The following PURB variants were observed in gnomAD, a reference collection of about 807,000 sequenced individuals.
PURB encodes transcriptional regulator protein Pur-beta.
A neutral mutation model predicts 21.1 loss-of-function variants in PURB; 11 were observed. The ratio of observed to expected loss-of-function variants is 0.52; its 90% CI spans 0.33 to 0.86. The LOEUF is 0.86. PURB is among the 40% of genes least tolerant of loss of function. PURB has a pLI of 0.02. For synonymous variants in PURB, 246 were observed against 210.8 expected, an observed-to-expected ratio of 1.17 and a Z score of -1.45; for missense variants, 357 against 456.5, an observed-to-expected ratio of 0.78 and a Z score of 1.99.
At position 44,884,083 on chromosome 7, in the gene PURB, G is replaced by A; in HGVS notation, c.*327C>T. On this transcript the variant is annotated 3_prime_UTR_variant, in exon 1 of 1. Coordinates refer to ENST00000395699, the MANE Select transcript of PURB (RefSeq NM_033224.5). ...CATGTTTCTTGCCCTGGATGTGCAAGGATCTATTCCCTCCAGGGATTATCC... is the reference window on the plus strand; with the variant it reads ...CATGTTTCTTGCCCTGGATGTGCAAAGATCTATTCCCTCCAGGGATTATCC... 2.6e-6 allele frequency: 1 copy of A among 386,338 alleles called. No homozygotes were observed. The highest frequency in any genetic ancestry group is 4.6e-6 in the Non-Finnish European group (1 of 215,236). The allele number at this position is 386,338 out of a possible 1,614,324, so 23.9% of individuals were successfully genotyped here.
rs768870448 is a variant in PURB, at chr7:44,876,389, G to A, written c.*8021C>T. ...TCCATTTGCAAAAGTCTATTGTAAG[G>A]AGTGCACACCAGCAGGAAGGATTCT... On this transcript the variant is annotated 3_prime_UTR_variant, in exon 1 of 1. Coordinates refer to ENST00000395699, the MANE Select transcript of PURB (RefSeq NM_033224.5). 7.9e-5 allele frequency: 12 copies of A among 152,570 alleles called. No homozygotes were observed. The highest frequency in any genetic ancestry group is 1.6e-4 in the Non-Finnish European group (11 of 68,036). 9.5% of individuals were successfully genotyped at this position (152,570 alleles called of 1,614,324 possible). A position where few individuals can be genotyped will look rare whatever the true frequency, so the allele number is the denominator to read the frequency against.
chr7:44,884,763 C>G lies in PURB; in HGVS notation c.586G>C (p.Glu196Gln), dbSNP rs1228948769. ...LAKLIDDYGG[E>Q]DDELAGGPGG... ...GGGCCGCCTGCCAGCTCGTCGTCCT[C>G]GCCTCCGTAGTCGTCTATGAGCTTC... is the stretch of plus-strand genomic sequence containing the variant. The change falls in exon 1 of 1, where the codon GAG becomes CAG. Residue 196 changes from glutamate (E) to glutamine (Q), a missense_variant. Physicochemically the swap from Glu to Gln is conservative, Grantham distance 29. Transcript: ENST00000395699. 1 of 1,610,464 alleles carries G rather than the reference C, an allele frequency of 6.2e-7. No individual in the cohort carries two copies. Among genetic ancestry groups the G allele is most frequent in the Non-Finnish European group, 8.5e-7 (1 of 1,179,086 alleles).
rs1793827643 is a variant in PURB at position 44,878,224 on chromosome 7, C to T, written c.*6186G>A. 1 of 152,174 alleles carries T rather than the reference C, an allele frequency of 6.6e-6. No homozygotes were observed. The allele number at this position is 152,174 out of a possible 1,614,324, so 9.4% of individuals were successfully genotyped here. ...GACAAACTCATGCCTTCTGCAATAT[C>T]CATCCTAGTGGACACTGAATAGGGC... On this transcript the variant is annotated 3_prime_UTR_variant, in exon 1 of 1. Coordinates refer to ENST00000395699, the MANE Select transcript of PURB (RefSeq NM_033224.5).
At position 44,882,774 on chromosome 7, in the gene PURB, CAA is replaced by C. The variant is rs1409523511; in HGVS notation, c.*1634_*1635del. The C allele has an allele frequency of 6.6e-6, 1 of 152,118 alleles. No individual in the cohort carries two copies. Among genetic ancestry groups the C allele is most frequent in the Non-Finnish European group, 1.5e-5 (1 of 68,022 alleles). 9.4% of individuals were successfully genotyped at this position (152,118 alleles called of 1,614,324 possible). A position where few individuals can be genotyped will look rare whatever the true frequency, so the allele number is the denominator to read the frequency against. On this transcript the variant is annotated 3_prime_UTR_variant, in exon 1 of 1. Coordinates refer to ENST00000395699, the MANE Select transcript of PURB (RefSeq NM_033224.5). ...GCCTCCTGGTTGAGAAGGTGTCACA[CAA>C]AGAATACCTGAAAACTTTGGAAAGA...
rs1183491028 is a variant in PURB, at chr7:44,876,522, C to G, written c.*7888G>C. 2.6e-5 allele frequency: 4 copies of G among 152,636 alleles called. No homozygotes were observed. The highest frequency in any genetic ancestry group is 1.3e-4 in the Admixed American group (2 of 15,278). The allele number at this position is 152,636 out of a possible 1,614,324, so 9.5% of individuals were successfully genotyped here. A position where few individuals can be genotyped will look rare whatever the true frequency, so the allele number is the denominator to read the frequency against. On this transcript the variant is annotated 3_prime_UTR_variant, in exon 1 of 1. Transcript: ENST00000395699. The stretch of plus-strand genomic sequence containing the variant: ...GAAGCTTCTGACTGTATTCACATTG[C>G]TCTTTTGAAGCAGCCCTGCTCCTCT...
rs910720568 is a variant in PURB, at chr7:44,876,928, T to C, written c.*7482A>G. On this transcript the variant is annotated 3_prime_UTR_variant, in exon 1 of 1. Coordinates refer to ENST00000395699, the MANE Select transcript of PURB (RefSeq NM_033224.5). Reference sequence around the variant, plus strand: ...AGCAGAAATCAGTTCTACAAATTCATACACAGGAATACACACTTGGTTTAC... The same window carrying C: ...AGCAGAAATCAGTTCTACAAATTCACACACAGGAATACACACTTGGTTTAC... 6.6e-6 allele frequency: 1 copy of C among 152,608 alleles called. No individual in the cohort carries two copies. The highest frequency in any genetic ancestry group is 6.5e-5 in the Admixed American group (1 of 15,270). The allele number at this position is 152,608 out of a possible 1,614,324, so 9.5% of individuals were successfully genotyped here. A position where few individuals can be genotyped will look rare whatever the true frequency, so the allele number is the denominator to read the frequency against.
Position 44,880,873 on chromosome 7 carries a change from T to C in PURB, c.*3537A>G, listed in dbSNP as rs1346463025. ...GCTACAGTCATTTATACCACGTATATGCCTCCGATAGTTACATAGGGTGTT... is the reference window on the plus strand; with the variant it reads ...GCTACAGTCATTTATACCACGTATACGCCTCCGATAGTTACATAGGGTGTT... On this transcript the variant is annotated 3_prime_UTR_variant, in exon 1 of 1. Coordinates refer to ENST00000395699, the MANE Select transcript of PURB (RefSeq NM_033224.5). 6.5e-6 allele frequency: 1 copy of C among 152,690 alleles called. No individual in the cohort carries two copies. The highest frequency in any genetic ancestry group is 2.4e-5 in the African/African-American group (1 of 41,466). The allele number at this position is 152,690 out of a possible 1,614,324, so 9.5% of individuals were successfully genotyped here.
At position 44,878,809 on chromosome 7, in the gene PURB, TAA is replaced by T. The variant is rs1340004589; in HGVS notation, c.*5599_*5600del. On this transcript the variant is annotated 3_prime_UTR_variant, in exon 1 of 1. Transcript: ENST00000395699. ...TACTGATAATTGGACAATTTTCAAG[TAA>T]GAGTCTGTTAAATCCGTCAGTAATA... 2.0e-5 allele frequency: 3 copies of T among 152,458 alleles called. No homozygotes were observed. Among genetic ancestry groups the T allele is most frequent in the African/African-American group, 7.2e-5 (3 of 41,432 alleles). The allele number at this position is 152,458 out of a possible 1,614,324, so 9.4% of individuals were successfully genotyped here.
rs1039331284 is a variant in PURB, at chr7:44,882,835, G to A, written c.*1575C>T. On this transcript the variant is annotated 3_prime_UTR_variant, in exon 1 of 1. Transcript: ENST00000395699. ...TCCCATTCAATTCAAAGTTACCTAGGTCTATGACATTTCTAGGAATACCTT... is the reference window on the plus strand; with the variant it reads ...TCCCATTCAATTCAAAGTTACCTAGATCTATGACATTTCTAGGAATACCTT... 1 of 152,144 alleles carries A rather than the reference G, an allele frequency of 6.6e-6. No individual in the cohort carries two copies. Among genetic ancestry groups the A allele is most frequent in the African/African-American group, 2.4e-5 (1 of 41,418 alleles). 9.4% of individuals were successfully genotyped at this position (152,144 alleles called of 1,614,324 possible). A position where few individuals can be genotyped will look rare whatever the true frequency, so the allele number is the denominator to read the frequency against.
In PURB at chr7:44,884,414, T is replaced by A. The variant is rs1472672387; in HGVS notation, c.935A>T (p.Asp312Val). 6.2e-7 allele frequency: 1 copy of A among 1,612,582 alleles called. No homozygotes were observed. The highest frequency in any genetic ancestry group is 1.3e-5 in the African/African-American group (1 of 74,852). The change falls in exon 1 of 1, where the codon GAT becomes GTT. Residue 312 changes from aspartate to valine, a missense_variant. Coordinates refer to ENST00000395699, the MANE Select transcript of PURB (RefSeq NM_033224.5). The stretch of plus-strand genomic sequence containing the variant: ...CTGTAGGGGAAGCTGCCCGTTTCAA[T>A]CCTCATCCACCTCCTCACCCTCTGA... ...EESEGEEVDE[D>V]
Position 44,885,320 on chromosome 7 carries a change from C to CCGCGGGACGCGG in PURB, c.28_29insCCGCGTCCCGCG (p.Arg10delinsProAlaSerArgGly). 2 of 1,321,714 alleles carry CCGCGGGACGCGG rather than the reference C, an allele frequency of 1.5e-6. No homozygotes were observed. The highest frequency in any genetic ancestry group is 1.9e-6 in the Non-Finnish European group (2 of 1,041,180). The allele number at this position is 1,321,714 out of a possible 1,614,324, so 81.9% of individuals were successfully genotyped here. A position where few individuals can be genotyped will look rare whatever the true frequency, so the allele number is the denominator to read the frequency against. Reference sequence around the variant, plus strand: ...CCCGCACGGCCCACCGCCGCCGCCGCGCTCGCTGCCGCTGTCGCCGTCCGC... The same window carrying CCGCGGGACGCGG: ...CCCGCACGGCCCACCGCCGCCGCCGCCGCGGGACGCGGGCTCGCTGCCGCTGTCGCCGTCCGC... On this transcript the variant is annotated protein_altering_variant, in exon 1 of 1. Transcript: ENST00000395699.
Position 44,885,016 on chromosome 7 carries a change from C to G in PURB, c.333G>C (p.Glu111Asp). The change falls in exon 1 of 1, where the codon GAG becomes GAC. Residue 111 changes from glutamate to aspartate, a missense_variant. Glu to Asp is a conservative substitution (Grantham distance 45). Transcript: ENST00000395699. ...TGAGCGCGCGCCGCGGCCCGCCGCC[C>G]TCCTCGGCGCCAGCCGCCAGCTGCT... is the stretch of plus-strand genomic sequence containing the variant. ...SPEQLAAGAE[E>D]GGGPRRALKS... is the part of the protein sequence containing the mutation. 6.5e-7 allele frequency: 1 copy of G among 1,545,014 alleles called. No individual in the cohort carries two copies. Among genetic ancestry groups the G allele is most frequent in the Non-Finnish European group, 8.7e-7 (1 of 1,147,304 alleles).
chr7:44,884,697 C>T lies in PURB; in HGVS notation c.652G>A (p.Glu218Lys). 6.2e-7 allele frequency: 1 copy of T among 1,613,916 alleles called. No individual in the cohort carries two copies. The highest frequency in any genetic ancestry group is 8.5e-7 in the Non-Finnish European group (1 of 1,180,026). ...AGGPGGGLYGELPEGTSITVD... is the reference protein window; with the variant it reads ...AGGPGGGLYGKLPEGTSITVD... Reference sequence around the variant, plus strand: ...GTGATGGAGGTGCCCTCCGGGAGCTCTCCATACAGGCCGCCCCCTGGGCCC... The same window carrying T: ...GTGATGGAGGTGCCCTCCGGGAGCTTTCCATACAGGCCGCCCCCTGGGCCC... The change falls in exon 1 of 1, where the codon GAG becomes AAG. Residue 218 changes from glutamate (E) to lysine (K), a missense_variant. By Grantham distance (56) the Glu-to-Lys change is moderately conservative (BLOSUM62 1). Transcript: ENST00000395699.
Position 44,878,844 on chromosome 7 carries a change from GT to G in PURB, c.*5565del. 1 of 152,342 alleles carries G rather than the reference GT, an allele frequency of 6.6e-6. No homozygotes were observed. Among genetic ancestry groups the G allele is most frequent in the Non-Finnish European group, 1.5e-5 (1 of 68,036 alleles). 9.4% of individuals were successfully genotyped at this position (152,342 alleles called of 1,614,324 possible). A position where few individuals can be genotyped will look rare whatever the true frequency, so the allele number is the denominator to read the frequency against. On this transcript the variant is annotated 3_prime_UTR_variant, in exon 1 of 1. Coordinates refer to ENST00000395699, the MANE Select transcript of PURB (RefSeq NM_033224.5). The stretch of plus-strand genomic sequence containing the variant: ...TTAAATCCGTCAGTAATAAAACTGA[GT>G]TTTAAGACTGAGGGCTGGGAAAGGA...
chr7:44,885,287 G>T lies in PURB; in HGVS notation c.62C>A (p.Pro21His). The T allele has an allele frequency of 1.3e-6, 2 of 1,529,222 alleles. No homozygotes were observed. The highest frequency in any genetic ancestry group is 1.7e-6 in the Non-Finnish European group (2 of 1,149,474). 94.7% of individuals were successfully genotyped at this position (1,529,222 alleles called of 1,614,324 possible). A position where few individuals can be genotyped will look rare whatever the true frequency, so the allele number is the denominator to read the frequency against. ...TTGCTCGCCGCCGCCGCGGGACGCG[G>T]GCTGGAACCCGCACGGCCCACCGCC... ...GGGGGPCGFQ[P>H]ASRGGGEQET... is the part of the protein sequence containing the mutation. The change falls in exon 1 of 1, where the codon CCC (proline) becomes CAC (histidine). Residue 21 changes from proline to histidine, a missense_variant. By Grantham distance (77) the Pro-to-His change is moderately conservative (BLOSUM62 -2). Coordinates refer to ENST00000395699, the MANE Select transcript of PURB (RefSeq NM_033224.5).
rs1793883022 is a variant in PURB, at chr7:44,882,048, T to C, written c.*2362A>G. The C allele has an allele frequency of 6.5e-6, 1 of 152,806 alleles. No individual in the cohort carries two copies. Among genetic ancestry groups the C allele is most frequent in the South Asian group, 2.1e-4 (1 of 4,844 alleles). The allele number at this position is 152,806 out of a possible 1,614,324, so 9.5% of individuals were successfully genotyped here. A position where few individuals can be genotyped will look rare whatever the true frequency, so the allele number is the denominator to read the frequency against. On this transcript the variant is annotated 3_prime_UTR_variant, in exon 1 of 1. Coordinates refer to ENST00000395699, the MANE Select transcript of PURB (RefSeq NM_033224.5). ...AGTTGGTCTATACAAGAATTGTACATGGTTTGAAAATGAAAAAGTTACAGC... is the reference window on the plus strand; with the variant it reads ...AGTTGGTCTATACAAGAATTGTACACGGTTTGAAAATGAAAAAGTTACAGC...
Position 44,881,728 on chromosome 7 carries a change from G to C in PURB, c.*2682C>G, listed in dbSNP as rs896814533. On this transcript the variant is annotated 3_prime_UTR_variant, in exon 1 of 1. Transcript: ENST00000395699. ...TCTAATGACTAAGAAAATTTCTCTG[G>C]TAACCAAAGCTGATGCCATATATGG... 3.9e-5 allele frequency: 6 copies of C among 154,274 alleles called. No individual in the cohort carries two copies. The highest frequency in any genetic ancestry group is 1.4e-4 in the African/African-American group (6 of 41,446). The allele number at this position is 154,274 out of a possible 1,614,324, so 9.6% of individuals were successfully genotyped here.
At position 44,885,247 on chromosome 7, in the gene PURB, C is replaced by T; in HGVS notation, c.102G>A (p.Leu34=). 1 of 1,564,952 alleles carries T rather than the reference C, an allele frequency of 6.4e-7. No individual in the cohort carries two copies. Among genetic ancestry groups the T allele is most frequent in the East Asian group, 2.5e-5 (1 of 39,482 alleles). The stretch of plus-strand genomic sequence containing the variant: ...TCTGGATGTCCAGCCGCTTCGAGGC[C>T]AGCTCCTGCGTCTCTTGCTCGCCGC... ...RGGGEQETQE[L]ASKRLDIQNK... is the part of the protein sequence containing the mutation. Residue 34 remains leucine, a synonymous_variant, in exon 1 of 1, where the codon CTG becomes CTA. Transcript: ENST00000395699.
At position 44,879,175 on chromosome 7, in the gene PURB, G is replaced by A. The variant is rs1793840696; in HGVS notation, c.*5235C>T. 1 of 152,324 alleles carries A rather than the reference G, an allele frequency of 6.6e-6. No homozygotes were observed. Among genetic ancestry groups the A allele is most frequent in the Non-Finnish European group, 1.5e-5 (1 of 68,222 alleles). The allele number at this position is 152,324 out of a possible 1,614,324, so 9.4% of individuals were successfully genotyped here. ...CCTGCCTCAGCCTCCCAAGTAGCTG[G>A]GACTACAGGCATGCACCACCATGCC... On this transcript the variant is annotated 3_prime_UTR_variant, in exon 1 of 1. Coordinates refer to ENST00000395699, the MANE Select transcript of PURB (RefSeq NM_033224.5).
Sources: gnomAD v4.1 joint callset for allele counts on GRCh38, gnomAD v4.1.1 for gene constraint, MANE v1.5 for transcripts, NCBI Gene and HGNC (gene_info 2026-07-23, HGNC 2026-07-21) for gene names.